Variants in PRR16 observed in about 807,000 individuals in gnomAD.
PRR16 encodes proline rich 16, also known as protein Largen.
In PRR16, 6 loss-of-function variants were observed where a neutral mutation model predicts 18.2. The ratio of observed to expected loss-of-function variants is 0.33; its 90% confidence interval spans 0.18 to 0.65. PRR16 has a LOEUF of 0.65. Among genes scored for constraint, PRR16 ranks in the 30% least tolerant of loss-of-function variants. The probability of loss-of-function intolerance (pLI) is 0.74; values close to 1 mark genes in which losing one functional copy is unlikely to be tolerated. For missense variants in PRR16, 412 were observed against 376.6 expected (o/e 1.09, Z -0.78); for synonymous variants, 151 against 147.8 (o/e 1.02, Z -0.16).
rs568259974 is a variant in PRR16, at chr5:120,633,460, T to C, written c.160-52494T>C. ...GATAAGAACTCGCCAACCAAGTTTC[T>C]GCTGTCTTCAGGAGACTCACCTAAC... On this transcript the variant is annotated intron_variant, in intron 1 of 1. Transcript: ENST00000407149. 4.6e-5 allele frequency among the ~76,000 whole-genome samples: 7 copies of C among 152,294 alleles called. No individual in the cohort carries two copies. The East Asian group carries it at 5.8e-4, about 13-fold the overall frequency.
At chr5:120,537,732 T>C (rs1751766143) in intron 1 of PRR16, among the ~76,000 whole-genome samples, 1 of 151,868 alleles carries the variant, frequency 6.6e-6, no homozygotes, top group Non-Finnish European at 1.5e-5. Flanking sequence ...AATTTTGTAG[T>C]CAGAGATGGT....
At chr5:120,610,694 C>G (rs1388663471) in intron 1 of PRR16, among the ~76,000 whole-genome samples, 1 of 152,210 alleles carries the variant, frequency 6.6e-6, no homozygotes, top group Non-Finnish European at 1.5e-5. Context: ...ATTCTGAGGC[C>G]TCCCCAGATA....
the PRR16 span, among the ~76,000 whole-genome samples, chr5:120,693,535 TTA>T: frequency 6.6e-6 from 1 of 152,142 alleles, no homozygotes; most frequent in African/African-American, 2.4e-5. Flanking sequence ...GTCTTCAGAG[TTA>T]CTGAATAGAC....
chr5:120,756,845 G>C, the PRR16 span, among the ~76,000 whole-genome samples: 1 of 151,920 alleles, frequency 6.6e-6, no homozygotes, highest in Non-Finnish European at 1.5e-5. Flanking sequence ...TTGCTTTTTA[G>C]AACTTAGTAT....
chr5:120,790,736 G>C, the PRR16 span: 2 of 152,020 alleles, frequency 1.3e-5, no homozygotes, highest in Non-Finnish European at 2.9e-5. Flanking sequence ...GATGTGTGCT[G>C]TTATTTGCAC....
chr5:120,728,876 C>T, the PRR16 span, among the ~76,000 whole-genome samples: 2 of 152,118 alleles, frequency 1.3e-5, no homozygotes, highest in Non-Finnish European at 2.9e-5. Flanking sequence ...AGGCTATATG[C>T]ATTTTCAAAG....
intron 1 of PRR16, among the ~76,000 whole-genome samples, chr5:120,494,208 A>G (rs551545528): frequency 6.6e-6 from 1 of 152,188 alleles, no homozygotes; most frequent in South Asian, 2.1e-4. Context: ...TATCGTCACT[A>G]CTTTTTTCTA....
chr5:120,513,977 C>G (rs1750909568), intron 1 of PRR16, among the ~76,000 whole-genome samples: 1 of 152,098 alleles, frequency 6.6e-6, no homozygotes, highest in Non-Finnish European at 1.5e-5. Flanking sequence ...TCAGGCTGGT[C>G]TCGAACTCCT....
chr5:120,521,959 A>T (rs1751196150), intron 1 of PRR16, among the ~76,000 whole-genome samples: 1 of 152,130 alleles, frequency 6.6e-6, no homozygotes, highest in Admixed American at 6.5e-5. Flanking sequence ...GCTCAGAATG[A>T]TGGTTTCCAG....
chr5:120,592,485 A>T (rs753491162), intron 1 of PRR16, among the ~76,000 whole-genome samples: 1 of 152,196 alleles, frequency 6.6e-6, no homozygotes, highest in Non-Finnish European at 1.5e-5. Context: ...AAGTGAATTC[A>T]TGGTAAATAA....
intron 1 of PRR16, among the ~76,000 whole-genome samples, chr5:120,617,897 TA>T (rs1754567716): frequency 6.6e-6 from 1 of 152,130 alleles, no homozygotes; most frequent in Admixed American, 6.6e-5. Context: ...TCAAGGTCAA[TA>T]ATTTTTTTTA....
intron 1 of PRR16, among the ~76,000 whole-genome samples, chr5:120,621,602 C>T (rs546660474): frequency 1.3e-5 from 2 of 152,156 alleles, no homozygotes; most frequent in South Asian, 4.2e-4. Flanking sequence ...AGGGGAGAGA[C>T]CAGGTGGGGG....
intron 1 of PRR16, among the ~76,000 whole-genome samples, chr5:120,570,953 G>T (rs1752887117): frequency 6.6e-6 from 1 of 152,150 alleles, no homozygotes; most frequent in African/African-American, 2.4e-5. Context: ...AGATGGCAAT[G>T]TTTATGGTTC....
chr5:120,677,931 A>G (rs1427230751), intron 1 of PRR16, among the ~76,000 whole-genome samples: 3 of 64,474 alleles, frequency 4.7e-5, no homozygotes, highest in Non-Finnish European at 2.7e-5. Flanking sequence ...TTTTTTTGAG[A>G]CGGAGTTTCG....
the PRR16 span, among the ~76,000 whole-genome samples, chr5:120,777,167 T>A: frequency 1.3e-5 from 2 of 152,064 alleles, no homozygotes; most frequent in African/African-American, 4.8e-5. Flanking sequence ...ATGTGAATAA[T>A]TTTTAACATA....
At chr5:120,595,420 T>C (rs1054354354) in intron 1 of PRR16, among the ~76,000 whole-genome samples, 1 of 124,850 alleles carries the variant, frequency 8.0e-6, no homozygotes, top group African/African-American at 2.9e-5. Flanking sequence ...TCAGAAGGGC[T>C]ATTATCAAAA....
At chr5:120,736,093 G>C in the PRR16 span, among the ~76,000 whole-genome samples, 8,622 of 152,182 alleles carry the variant, frequency 0.057, 315 homozygotes, top group South Asian at 0.083. Context: ...TCATTGAATA[G>C]GCTTGACACC....
At chr5:120,652,942 A>T (rs912878170) in intron 1 of PRR16, among the ~76,000 whole-genome samples, 2 of 152,046 alleles carry the variant, frequency 1.3e-5, no homozygotes, top group Non-Finnish European at 2.9e-5. Context: ...AATTCAGTAA[A>T]TCTAAAAATG....
chr5:120,739,347 A>G, the PRR16 span, among the ~76,000 whole-genome samples: 1 of 152,214 alleles, frequency 6.6e-6, no homozygotes, highest in African/African-American at 2.4e-5. Flanking sequence ...ACATCATTAA[A>G]TATTGAGTTG....
Sources: allele counts gnomAD v4.1 joint callset (sites outside exome capture counted in the v4.1 genomes callset), GRCh38; gene constraint gnomAD v4.1.1; transcripts MANE v1.5; gene names NCBI Gene and HGNC (gene_info 2026-07-23, HGNC 2026-07-21).